NTM: variants seen among roughly 807,000 people sequenced by gnomAD.
NTM encodes IgLON family member 2.
A neutral mutation model predicts 42.1 loss-of-function variants in NTM; 13 were observed. The observed-to-expected ratio is 0.31, with a 90% confidence interval of 0.20 to 0.49. NTM has a LOEUF of 0.49. Among genes scored for constraint, NTM ranks in the 20% least tolerant of loss-of-function variants. NTM has a pLI of 0.99. For synonymous variants in NTM, 187 were observed against 179.2 expected, an observed-to-expected ratio of 1.04 and a Z score of -0.35; for missense variants, 373 against 452.8, an observed-to-expected ratio of 0.82 and a Z score of 1.60.
intron 1 of NTM, among the ~76,000 whole-genome samples, chr11:131,851,305 G>A (rs9787803): frequency 0.77 from 117,414 of 151,694 alleles, 45,922 homozygotes; most frequent in African/African-American, 0.88. Context: ...GCTTGGGAGG[G>A]TGTACAGTCC....
chr11:132,295,513 A>G (rs879857232), intron 4 of NTM, among the ~76,000 whole-genome samples: 3 of 152,222 alleles, frequency 2.0e-5, no homozygotes, highest in African/African-American at 4.8e-5. Flanking sequence ...CAAATAAACA[A>G]TAATAAACTA....
chr11:131,432,492 G>A (rs896301162), intron 1 of NTM, among the ~76,000 whole-genome samples: 26 of 152,182 alleles, frequency 1.7e-4, no homozygotes, highest in African/African-American at 5.1e-4. Flanking sequence ...AACGCTGCCT[G>A]GTTAAGTCTG....
intron 4 of NTM, among the ~76,000 whole-genome samples, chr11:132,232,605 A>G (rs965871161): frequency 1.3e-5 from 2 of 152,236 alleles, no homozygotes; most frequent in Non-Finnish European, 2.9e-5. Context: ...TAACAAACCA[A>G]TTAACTTCTC....
At chr11:131,816,375 A>G (rs910142839) in intron 1 of NTM, among the ~76,000 whole-genome samples, 1 of 152,062 alleles carries the variant, frequency 6.6e-6, no homozygotes, top group Non-Finnish European at 1.5e-5. Flanking sequence ...ATTACCTACC[A>G]TCGTAGTTTT....
At chr11:131,684,893 G>A (rs528547834) in intron 1 of NTM, among the ~76,000 whole-genome samples, 21 of 152,332 alleles carry the variant, frequency 1.4e-4, no homozygotes, top group African/African-American at 4.3e-4. Context: ...TGGGCAAGAA[G>A]ACCAAGGGCA....
intron 1 of NTM, among the ~76,000 whole-genome samples, chr11:131,773,691 A>G (rs562523695): frequency 6.6e-6 from 1 of 152,218 alleles, no homozygotes. Flanking sequence ...GACTGCTTAC[A>G]TTCTGGTATG....
intron 2 of NTM, among the ~76,000 whole-genome samples, chr11:131,959,644 T>C (rs902675282): frequency 1.3e-5 from 2 of 152,102 alleles, no homozygotes; most frequent in African/African-American, 4.8e-5. Context: ...TACTTTACCT[T>C]GTTTTCCTGC....
At chr11:131,824,176 T>C (rs1156551060) in intron 1 of NTM, among the ~76,000 whole-genome samples, 1 of 152,202 alleles carries the variant, frequency 6.6e-6, no homozygotes. Flanking sequence ...GAAAAGTTAG[T>C]GGGCATAACT....
At chr11:132,025,298 G>A (rs1421800060) in intron 2 of NTM, among the ~76,000 whole-genome samples, 1 of 152,206 alleles carries the variant, frequency 6.6e-6, no homozygotes, top group African/African-American at 2.4e-5. Context: ...TTGGTGGGCA[G>A]GTGGTCAGTC....
chr11:131,938,541 T>C (rs1037541939), intron 2 of NTM, among the ~76,000 whole-genome samples: 1 of 152,196 alleles, frequency 6.6e-6, no homozygotes, highest in Non-Finnish European at 1.5e-5. Flanking sequence ...GTTTGCCTTT[T>C]CTCTGCGTAC....
At chr11:132,298,266 C>T (rs1240209932) in intron 4 of NTM, among the ~76,000 whole-genome samples, 1 of 152,236 alleles carries the variant, frequency 6.6e-6, no homozygotes, top group Admixed American at 6.5e-5. Flanking sequence ...TATTTATCCC[C>T]TATCAATGTC....
At position 131,387,589 on chromosome 11, in the gene NTM, C is replaced by T. The variant is rs12225076; in HGVS notation, c.82+16701C>T. The stretch of plus-strand genomic sequence containing the variant: ...AGAAGAGGGTGCCTTTAGTTAACAA[C>T]AAAGTATTATATATTTCAAAACAGC... On this transcript the variant is annotated intron_variant, in intron 1 of 8. Coordinates refer to ENST00000683400, the MANE Select transcript of NTM (RefSeq NM_001352005.2). Among the ~76,000 whole-genome samples, 866 of 152,244 alleles carry T rather than the reference C, an allele frequency of 5.7e-3. 35 individuals carry two copies. In the East Asian group the frequency reaches 0.094, roughly 17 times the overall value.
In NTM at chr11:132,002,153, A is replaced by G. The variant is rs1276351875; in HGVS notation, c.167+90505A>G. On this transcript the variant is annotated intron_variant, in intron 2 of 8. Transcript: ENST00000683400. The surrounding 1 kb of genome is among the most constrained non-coding windows in gnomAD (Gnocchi z 4.5). Reference sequence around the variant, plus strand: ...CCTGAAGAGGGTGGAGGCTCTTCAAATGTCCGATTAAAGGTATTGGACTTT... The same window carrying G: ...CCTGAAGAGGGTGGAGGCTCTTCAAGTGTCCGATTAAAGGTATTGGACTTT... 3.3e-5 allele frequency among the ~76,000 whole-genome samples: 5 copies of G among 152,208 alleles called. No individual in the cohort carries two copies. Among genetic ancestry groups the G allele is most frequent in the Non-Finnish European group, 7.3e-5 (5 of 68,042 alleles).
chr11:131,882,338 C>A (rs758484656), intron 1 of NTM, among the ~76,000 whole-genome samples: 7 of 152,194 alleles, frequency 4.6e-5, no homozygotes, highest in African/African-American at 9.6e-5. Flanking sequence ...GCAGAATTCC[C>A]TCATCTTCAA....
intron 1 of NTM, among the ~76,000 whole-genome samples, chr11:131,755,936 ACTGT>A (rs1405194800): frequency 1.1e-4 from 17 of 152,334 alleles, no homozygotes; most frequent in African/African-American, 9.6e-5. Flanking sequence ...AATCAGGAGG[ACTGT>A]CTGTCTCCTT....
intron 2 of NTM, among the ~76,000 whole-genome samples, chr11:132,015,503 T>A (rs1475465216): frequency 6.6e-6 from 1 of 151,896 alleles, no homozygotes; most frequent in African/African-American, 2.4e-5. Flanking sequence ...TTTTAACAGT[T>A]TTAATTCATC....
At position 131,647,486 on chromosome 11, in the gene NTM, G is replaced by C. The variant is rs531941382; in HGVS notation, c.83-264078G>C. On this transcript the variant is annotated intron_variant, in intron 1 of 8. Coordinates refer to ENST00000683400, the MANE Select transcript of NTM (RefSeq NM_001352005.2). The stretch of plus-strand genomic sequence containing the variant: ...GTCCCTTAGCAAACAAGGGGACCCT[G>C]AAGAAGGGCAAGTGATGAGAAAAAC... Among the ~76,000 whole-genome samples, 447 of 152,314 alleles carry C rather than the reference G, an allele frequency of 2.9e-3. 1 individual carries two copies. Among genetic ancestry groups the C allele is most frequent in the African/African-American group, 0.011 (438 of 41,566 alleles).
intron 1 of NTM, among the ~76,000 whole-genome samples, chr11:131,405,042 A>G (rs1945658622): frequency 6.6e-6 from 1 of 152,210 alleles, no homozygotes; most frequent in Admixed American, 6.5e-5. Context: ...CCAAAGACAG[A>G]AAGAACATCC....
chr11:132,233,820 T>C (rs2088166412), intron 4 of NTM, among the ~76,000 whole-genome samples: 1 of 152,238 alleles, frequency 6.6e-6, no homozygotes, highest in African/African-American at 2.4e-5. Context: ...TTTTTCTCCA[T>C]ACTCCCTTTT....
Sources: gnomAD v4.1 joint callset for allele counts (sites outside exome capture counted in the v4.1 genomes callset) on GRCh38, gnomAD v4.1.1 for gene constraint, Gnocchi (gnomAD v3.1) non-coding constraint, MANE v1.5 for transcripts, NCBI Gene and HGNC (gene_info 2026-07-23, HGNC 2026-07-21) for gene names.